The following BCAT1 variants were observed in gnomAD, a reference collection of about 807,000 sequenced individuals.
BCAT1 encodes branched chain amino acid transaminase 1, also known as branched-chain-amino-acid aminotransferase, cytosolic.
A neutral mutation model predicts 52.4 loss-of-function variants in BCAT1; 48 were observed. The observed-to-expected ratio is 0.92, with a 90% CI of 0.73 to 1.16. The LOEUF (loss-of-function observed/expected upper bound fraction) is 1.16. BCAT1 is among the 50% of genes most tolerant of loss of function. The pLI is 0.00. For missense variants in BCAT1, 451 were observed against 457.1 expected (o/e 0.99, Z 0.12); for synonymous variants, 167 against 161.3 (o/e 1.04, Z -0.27).
chr12:24,902,271 GCTCAGC>G (rs1027551013), intron 1 of BCAT1: 2 of 1,333,602 alleles, frequency 1.5e-6, no homozygotes, highest in African/African-American at 2.9e-5. Context: ...TCCAGGGCGC[GCTCAGC>G]CTCGTGGTCT....
At position 24,829,782 on chromosome 12, in the gene BCAT1, A is replaced by AAAAGAAAAGG. The variant is rs771808768; in HGVS notation, c.1119+31_1119+40dup. On this transcript the variant is annotated intron_variant, in intron 10 of 10. Transcript: ENST00000261192. ...AGAAATAAGGTGACATAAAAAAAAG[A>AAAAGAAAAGG]AAAGAAAAGGAAAGAAAAGAAAAGA... The AAAAGAAAAGG allele has an allele frequency of 2.7e-6, 4 of 1,458,270 alleles. No homozygotes were observed. The East Asian group carries it at 9.2e-5, about 33-fold the overall frequency. The allele number at this position is 1,458,270 out of a possible 1,614,324, so 90.3% of individuals were successfully genotyped here. A position where few individuals can be genotyped will look rare whatever the true frequency, so the allele number is the denominator to read the frequency against.
chr12:24,937,516 G>GT (rs139977968), intron 1 of BCAT1, among the ~76,000 whole-genome samples: 24,220 of 152,070 alleles, frequency 0.16, 2,486 homozygotes, highest in Non-Finnish European at 0.23. Flanking sequence ...TTGTTTGTTT[G>GT]TTTGTTTGCT....
chr12:24,837,021 AAAG>A lies in BCAT1; in HGVS notation c.818-428_818-426del, dbSNP rs1314153867. On this transcript the variant is annotated intron_variant, in intron 7 of 10. Coordinates refer to ENST00000261192, the MANE Select transcript of BCAT1 (RefSeq NM_005504.7). The stretch of plus-strand genomic sequence containing the variant: ...AGGAACGAAGGAAGGAAGAAAGAAA[AAAG>A]AAAGAAAGAAAGAAAAAAGAAAAGA... Among the ~76,000 whole-genome samples, 3 of 136,820 alleles carry A rather than the reference AAAG, an allele frequency of 2.2e-5. 1 individual carries two copies. Among genetic ancestry groups the A allele is most frequent in the Non-Finnish European group, 4.8e-5 (3 of 61,936 alleles). The allele number at this position is 136,820 out of a possible 152,430, so 89.8% of individuals were successfully genotyped here. A position where few individuals can be genotyped will look rare whatever the true frequency, so the allele number is the denominator to read the frequency against.
rs768322442 is a variant in BCAT1, at chr12:24,829,782, A to G, written c.1119+41T>C. On this transcript the variant is annotated intron_variant, in intron 10 of 10. Transcript: ENST00000261192. ...AGAAATAAGGTGACATAAAAAAAAG[A>G]AAAGAAAAGGAAAGAAAAGAAAAGA... 3,447 of 1,458,122 alleles carry G rather than the reference A, an allele frequency of 2.4e-3. 12 individuals carry two copies. The highest frequency in any genetic ancestry group is 3.8e-3 in the South Asian group (308 of 80,158). 90.3% of individuals were successfully genotyped at this position (1,458,122 alleles called of 1,614,324 possible).
chr12:24,945,782 C>T (rs625604), intron 1 of BCAT1: 1 of 152,138 alleles, frequency 6.6e-6, no homozygotes, highest in Admixed American at 6.6e-5. Context: ...AGAGATCACT[C>T]TGCGGCACTC....
intron 1 of BCAT1, among the ~76,000 whole-genome samples, chr12:24,916,227 T>C (rs930239303): frequency 1.3e-5 from 2 of 152,172 alleles, no homozygotes; most frequent in African/African-American, 4.8e-5. Context: ...CTGTAAAACC[T>C]GTATGAATTG....
intron 2 of BCAT1, among the ~76,000 whole-genome samples, chr12:24,896,880 T>C (rs1435107441): frequency 1.3e-5 from 2 of 152,122 alleles, no homozygotes; most frequent in Admixed American, 6.5e-5. Context: ...GCACACAGAA[T>C]AGTAAAGGGT....
intron 1 of BCAT1, among the ~76,000 whole-genome samples, chr12:24,906,500 C>CTA (rs10643112): frequency 0.68 from 102,503 of 151,708 alleles, 34,670 homozygotes; most frequent in Admixed American, 0.71. Context: ...AAGAGAATCT[C>CTA]TATGTCAGTT....
chr12:24,911,323 A>T (rs1943322299), intron 1 of BCAT1, among the ~76,000 whole-genome samples: 1 of 152,152 alleles, frequency 6.6e-6, no homozygotes, highest in African/African-American at 2.4e-5. Context: ...CTCCTTAACC[A>T]GGCTCACACA....
At chr12:24,942,550 A>C (rs1357794373) in intron 1 of BCAT1, among the ~76,000 whole-genome samples, 10 of 146,060 alleles carry the variant, frequency 6.8e-5, no homozygotes, top group Non-Finnish European at 1.5e-5. Context: ...CCTCAAAAAA[A>C]AAAAAAAAAG....
At position 24,811,194 on chromosome 12, in the gene BCAT1, T is replaced by G. The variant is rs1202315038; in HGVS notation, c.*6814A>C. The stretch of plus-strand genomic sequence containing the variant: ...CATATTGAATCTCTATCCAGTGGTG[T>G]GGTTTCTGGTCTTTCTGGTGTGCTC... On this transcript the variant is annotated 3_prime_UTR_variant, in exon 11 of 11. Transcript: ENST00000261192. 1 of 152,216 alleles carries G rather than the reference T, an allele frequency of 6.6e-6. No homozygotes were observed. The highest frequency in any genetic ancestry group is 2.4e-5 in the African/African-American group (1 of 41,462). 9.4% of individuals were successfully genotyped at this position (152,216 alleles called of 1,614,324 possible). A position where few individuals can be genotyped will look rare whatever the true frequency, so the allele number is the denominator to read the frequency against.
At chr12:24,935,299 G>A (rs1332249412) in intron 1 of BCAT1, among the ~76,000 whole-genome samples, 1 of 152,224 alleles carries the variant, frequency 6.6e-6, no homozygotes, top group East Asian at 1.9e-4. Flanking sequence ...ATGAAGCCAA[G>A]GCATTCTGGA....
intron 9 of BCAT1, chr12:24,830,779 T>C (rs939696498): frequency 6.6e-6 from 1 of 152,162 alleles, no homozygotes; most frequent in Non-Finnish European, 1.5e-5. Flanking sequence ...CCTTGATGCA[T>C]TCTTATCAAT....
At chr12:24,881,900 C>T (rs954199) in intron 3 of BCAT1, among the ~76,000 whole-genome samples, 1 of 152,034 alleles carries the variant, frequency 6.6e-6, no homozygotes. Context: ...TCACAGAAAC[C>T]AGGCAGCTCA....
chr12:24,864,360 A>G (rs906554834), intron 5 of BCAT1, among the ~76,000 whole-genome samples: 1 of 152,182 alleles, frequency 6.6e-6, no homozygotes, highest in East Asian at 1.9e-4. Context: ...AATATCTGCA[A>G]TGAAGATATA....
At chr12:24,943,888 G>A (rs1057210499) in intron 1 of BCAT1, among the ~76,000 whole-genome samples, 13 of 152,126 alleles carry the variant, frequency 8.5e-5, no homozygotes, top group Admixed American at 8.5e-4. Flanking sequence ...GGAAGCTGAG[G>A]CAGGAGAATG....
chr12:24,949,050 A>T lies in BCAT1; in HGVS notation c.-118T>A. On this transcript the variant is annotated 5_prime_UTR_variant, in exon 1 of 11. Transcript: ENST00000261192. ...AGAGCGCGGTCCCGGCTGCAGCAAGACCTGGGGCAGTGCCCGAGGCGGCGG... is the reference window on the plus strand; with the variant it reads ...AGAGCGCGGTCCCGGCTGCAGCAAGTCCTGGGGCAGTGCCCGAGGCGGCGG... 9.3e-7 allele frequency: 1 copy of T among 1,080,420 alleles called. No individual in the cohort carries two copies. The allele number at this position is 1,080,420 out of a possible 1,614,324, so 66.9% of individuals were successfully genotyped here.
intron 10 of BCAT1, among the ~76,000 whole-genome samples, chr12:24,825,530 T>C (rs1598103077): frequency 1.3e-5 from 2 of 152,132 alleles, no homozygotes. Context: ...TGTGGTTTTG[T>C]TTTGCATTTC....
intron 1 of BCAT1, among the ~76,000 whole-genome samples, chr12:24,931,244 A>T (rs1053180978): frequency 6.6e-6 from 1 of 152,136 alleles, no homozygotes; most frequent in Non-Finnish European, 1.5e-5. Context: ...CAGAAGAAAT[A>T]TGAAGAGTAA....
Sources: gnomAD v4.1 joint callset for allele counts (sites outside exome capture counted in the v4.1 genomes callset) on GRCh38, gnomAD v4.1.1 for gene constraint, MANE v1.5 for transcripts, NCBI Gene and HGNC (gene_info 2026-07-23, HGNC 2026-07-21) for gene names.